Variants in IGLL5 observed in about 807,000 individuals in gnomAD.
The protein encoded by IGLL5 is immunoglobulin lambda-like polypeptide 5.
Under a neutral mutation model 20.9 loss-of-function variants are expected in IGLL5, and 30 were observed. That is an observed-to-expected ratio of 1.44 (90% CI 1.07 to 1.95). IGLL5 has a LOEUF of 1.95. IGLL5 is among the 30% of genes most tolerant of loss of function. The pLI, the probability that IGLL5 is intolerant of heterozygous loss-of-function variation, is 0.00. For missense variants in IGLL5, 475 were observed against 270.7 expected, an observed-to-expected ratio of 1.75 and a Z score of -5.30; for synonymous variants, 203 against 117.3, an observed-to-expected ratio of 1.73 and a Z score of -4.72.
At chr22:22,889,931 A>G (rs2067763812) in intron 1 of IGLL5, among the ~76,000 whole-genome samples, 2 of 151,168 alleles carry the variant, frequency 1.3e-5, no homozygotes, top group Admixed American at 6.6e-5. Flanking sequence ...CATTTTCAAA[A>G]ACCTGTCAGA....
chr22:22,892,263 ATC>A (rs1360028163), intron 1 of IGLL5, among the ~76,000 whole-genome samples: 1 of 151,214 alleles, frequency 6.6e-6, no homozygotes, highest in Non-Finnish European at 1.5e-5. Flanking sequence ...TGTTTCAAAA[ATC>A]TTCTGCACAT....
At position 22,893,469 on chromosome 22, in the gene IGLL5, G is replaced by A. The variant is rs1275646653; in HGVS notation, c.207-231G>A. Among the ~76,000 whole-genome samples, 8 of 151,178 alleles carry A rather than the reference G, an allele frequency of 5.3e-5. No homozygotes were observed. The South Asian group carries it at 1.7e-3, about 32-fold the overall frequency. On this transcript the variant is annotated intron_variant, in intron 1 of 2. Coordinates refer to ENST00000526893, the MANE Select transcript of IGLL5 (RefSeq NM_001178126.2). ...ACTCCTCTGCCACACTGCACAGGAG[G>A]GGATGTGTCACTCAGGGAGTTGCTG...
intron 1 of IGLL5, among the ~76,000 whole-genome samples, chr22:22,888,660 T>A (rs186974343): frequency 6.6e-6 from 1 of 151,296 alleles, no homozygotes; most frequent in Admixed American, 6.6e-5. Flanking sequence ...ATGTGCCTCC[T>A]GCCCAGTGAG....
At chr22:22,888,417 T>C (rs558151272) in intron 1 of IGLL5, among the ~76,000 whole-genome samples, 158 bp downstream of exon 1, 4 of 151,470 alleles carry the variant, frequency 2.6e-5, no homozygotes, top group South Asian at 2.1e-4. Flanking sequence ...ATTTTGTCCA[T>C]CACAGATTTG....
In IGLL5 at chr22:22,888,131, GC is replaced by G; in HGVS notation, c.79del (p.Leu27CysfsTer82). On this transcript the variant is annotated frameshift_variant, in exon 1 of 3. Transcript: ENST00000526893. LOFTEE classifies it high-confidence loss of function. ...GPGPRQRWPL[L>X]LLGLAMVAHG... Reference sequence around the variant, plus strand: ...CTGGTCCCAGGCAGCGCTGGCCCCTGCTGCTGCTGGGTCTGGCCATGGTCGC... The same window carrying G: ...CTGGTCCCAGGCAGCGCTGGCCCCTGTGCTGCTGGGTCTGGCCATGGTCGC... The G allele has an allele frequency of 1.3e-6, 2 of 1,548,434 alleles. No individual in the cohort carries two copies. Among genetic ancestry groups the G allele is most frequent in the East Asian group, 2.5e-5 (1 of 40,692 alleles).
intron 1 of IGLL5, among the ~76,000 whole-genome samples, chr22:22,888,481 A>C (rs2067604066): frequency 1.3e-5 from 2 of 151,276 alleles, no homozygotes; most frequent in South Asian, 2.1e-4. Context: ...TTGATTTCTG[A>C]GTTTTCTGGC....
In IGLL5 at chr22:22,888,029, G is replaced by A. The variant is rs1169655379; in HGVS notation, c.-25G>A. ...GGAGCCCATGCTGCAAGTCGGGCCA[G>A]AGGTGCCCCTGAACCTGAAGGCCAA... On this transcript the variant is annotated 5_prime_UTR_variant, in exon 1 of 3. Transcript: ENST00000526893. 3.2e-6 allele frequency: 5 copies of A among 1,543,494 alleles called. No individual in the cohort carries two copies. The highest frequency in any genetic ancestry group is 1.8e-6 in the Non-Finnish European group (2 of 1,141,328).
At chr22:22,895,275 C>G in intron 2 of IGLL5, 100 bp from the exon 3 acceptor site, 1 of 1,128,354 alleles carries the variant, frequency 8.9e-7, no homozygotes, top group East Asian at 2.6e-5. Flanking sequence ...ACCGGATGGC[C>G]ACACTGTGAA....
At position 22,889,250 on chromosome 22, in the gene IGLL5, C is replaced by T. The variant is rs564980054; in HGVS notation, c.206+991C>T. Among the ~76,000 whole-genome samples the T allele has an allele frequency of 2.6e-5, 4 of 151,102 alleles. 1 individual carries two copies. The highest frequency in any genetic ancestry group is 6.6e-5 in the Admixed American group (1 of 15,066). ...ATGGGGAGGACACTCAGATTCAGAG[C>T]ACCCAGGGGCCCAGTTTCCTATGAA... On this transcript the variant is annotated intron_variant, in intron 1 of 2. Transcript: ENST00000526893.
At chr22:22,888,533 G>C (rs1319258446) in intron 1 of IGLL5, among the ~76,000 whole-genome samples, 2 of 151,406 alleles carry the variant, frequency 1.3e-5, no homozygotes, top group Admixed American at 6.6e-5. Flanking sequence ...CAATCACCTA[G>C]TCCTAGTCCT....
chr22:22,889,073 A>T (rs761202493), intron 1 of IGLL5, among the ~76,000 whole-genome samples: 1 of 151,204 alleles, frequency 6.6e-6, no homozygotes, highest in East Asian at 2.0e-4. Context: ...GGATGGATTT[A>T]GGTAGATTGA....
rs1601608346 is a variant in IGLL5, at chr22:22,889,458, A to G, written c.206+1199A>G. Among the ~76,000 whole-genome samples, 4 of 151,348 alleles carry G rather than the reference A, an allele frequency of 2.6e-5. 1 individual carries two copies. The highest frequency in any genetic ancestry group is 4.0e-4 in the East Asian group (2 of 4,956). ...TTTATCCTAAGGGTTGGTTGGGGGAATAATCAAAGCTGTAACCAAATCTTT... is the reference window on the plus strand; with the variant it reads ...TTTATCCTAAGGGTTGGTTGGGGGAGTAATCAAAGCTGTAACCAAATCTTT... On this transcript the variant is annotated intron_variant, in intron 1 of 2. Coordinates refer to ENST00000526893, the MANE Select transcript of IGLL5 (RefSeq NM_001178126.2).
Position 22,888,015 on chromosome 22 carries a change from T to G in IGLL5, c.-39T>G, listed in dbSNP as rs535311226. On this transcript the variant is annotated 5_prime_UTR_variant, in exon 1 of 3. Coordinates refer to ENST00000526893, the MANE Select transcript of IGLL5 (RefSeq NM_001178126.2). ...GCACCGTCCTCCAGGGAGCCCATGCTGCAAGTCGGGCCAGAGGTGCCCCTG... is the reference window on the plus strand; with the variant it reads ...GCACCGTCCTCCAGGGAGCCCATGCGGCAAGTCGGGCCAGAGGTGCCCCTG... The G allele has an allele frequency of 6.6e-7, 1 of 1,513,162 alleles. No individual in the cohort carries two copies. The highest frequency in any genetic ancestry group is 9.0e-7 in the Non-Finnish European group (1 of 1,113,772). The allele number at this position is 1,513,162 out of a possible 1,614,324, so 93.7% of individuals were successfully genotyped here. A position where few individuals can be genotyped will look rare whatever the true frequency, so the allele number is the denominator to read the frequency against.
intron 2 of IGLL5, among the ~76,000 whole-genome samples, chr22:22,894,769 A>G (rs183595168): frequency 5.3e-5 from 8 of 151,126 alleles, no homozygotes; most frequent in South Asian, 4.2e-4. Flanking sequence ...GGAGACAGGA[A>G]ACATCTCAGA....
chr22:22,891,047 C>G (rs62218844), intron 1 of IGLL5, among the ~76,000 whole-genome samples: 1 of 150,826 alleles, frequency 6.6e-6, no homozygotes, highest in African/African-American at 2.4e-5. Flanking sequence ...GTCTGTTTTA[C>G]GGGTCTTTTG....
intron 1 of IGLL5, among the ~76,000 whole-genome samples, chr22:22,888,753 ATGCTTACT>A: frequency 6.6e-6 from 1 of 151,178 alleles, no homozygotes; most frequent in East Asian, 2.0e-4. Context: ...TTGCACATAA[ATGCTTACT>A]GGGGCCAGGC....
Position 22,895,027 on chromosome 22 carries a change from G to A in IGLL5, c.326-348G>A, listed in dbSNP as rs188225693. On this transcript the variant is annotated intron_variant, in intron 2 of 2. Transcript: ENST00000526893. ...GGTGATGGAGGGGGGTATAGGGATG[G>A]AAATGAGGGATCCAGGGGTCAAGGC... Among the ~76,000 whole-genome samples the A allele has an allele frequency of 4.0e-5, 6 of 151,468 alleles. 1 individual carries two copies. Among genetic ancestry groups the A allele is most frequent in the South Asian group, 4.2e-4 (2 of 4,766 alleles).
At chr22:22,889,275 A>C (rs149347886) in intron 1 of IGLL5, among the ~76,000 whole-genome samples, 1 of 150,992 alleles carries the variant, frequency 6.6e-6, no homozygotes, top group Non-Finnish European at 1.5e-5. Context: ...TTTCCTATGA[A>C]ATGGGAGCAT....
At chr22:22,892,221 T>A (rs1218102843) in intron 1 of IGLL5, among the ~76,000 whole-genome samples, 1 of 151,244 alleles carries the variant, frequency 6.6e-6, no homozygotes, top group Non-Finnish European at 1.5e-5. Flanking sequence ...GAGAAACAAG[T>A]GTTGAATTTA....
Sources: gnomAD v4.1 joint callset for allele counts (sites outside exome capture counted in the v4.1 genomes callset) on GRCh38, gnomAD v4.1.1 for gene constraint, MANE v1.5 for transcripts, NCBI Gene and HGNC (gene_info 2026-07-23, HGNC 2026-07-21) for gene names.